The following PRKD1 variants were observed in gnomAD, a reference collection of about 807,000 sequenced individuals.
The protein encoded by PRKD1 is serine/threonine-protein kinase D1.
In PRKD1, 63 loss-of-function variants were observed where a neutral mutation model predicts 95.9. The observed-to-expected ratio is 0.66, with a 90% CI of 0.54 to 0.81. The LOEUF (loss-of-function observed/expected upper bound fraction) is 0.81, where lower values mean the gene tolerates loss of function less well. Among genes scored for constraint, PRKD1 ranks in the 30% least tolerant of loss-of-function variants. The pLI, the probability that PRKD1 is intolerant of heterozygous loss-of-function variation, is 0.00. For synonymous variants in PRKD1, 425 were observed against 423.1 expected, an observed-to-expected ratio of 1.00 and a Z score of -0.05; for missense variants, 1,048 against 1,165.3, an observed-to-expected ratio of 0.90 and a Z score of 1.47.
At chr14:29,684,410 C>T (rs1310703192) in intron 2 of PRKD1, among the ~76,000 whole-genome samples, 1 of 152,120 alleles carries the variant, frequency 6.6e-6, no homozygotes, top group African/African-American at 2.4e-5. Context: ...ATGTCATGTC[C>T]TATATTTTGT....
intron 4 of PRKD1, among the ~76,000 whole-genome samples, chr14:29,662,563 C>T (rs1483278043): frequency 6.6e-6 from 1 of 152,012 alleles, no homozygotes; most frequent in Non-Finnish European, 1.5e-5. Flanking sequence ...CAAGAAACCC[C>T]TAAAAGAGAG....
intron 2 of PRKD1, among the ~76,000 whole-genome samples, chr14:29,697,335 C>T (rs1884581005): frequency 6.6e-6 from 1 of 152,128 alleles, no homozygotes; most frequent in Admixed American, 6.6e-5. Context: ...AGGCAGATGA[C>T]CTCTTATACT....
intron 1 of PRKD1, among the ~76,000 whole-genome samples, chr14:29,859,833 A>T (rs1476468751): frequency 6.6e-6 from 1 of 152,152 alleles, no homozygotes; most frequent in African/African-American, 2.4e-5. Flanking sequence ...CTTCAGTTGG[A>T]GACAATACTC....
intron 1 of PRKD1, among the ~76,000 whole-genome samples, chr14:29,792,731 A>G (rs1017159560): frequency 6.6e-6 from 1 of 152,136 alleles, no homozygotes; most frequent in Non-Finnish European, 1.5e-5. Flanking sequence ...TTCATTGTCT[A>G]TATGGAAACT....
At chr14:29,615,515 T>G (rs1878793549) in intron 13 of PRKD1, among the ~76,000 whole-genome samples, 1 of 152,226 alleles carries the variant, frequency 6.6e-6, no homozygotes, top group South Asian at 2.1e-4. Context: ...TTCCACTGTT[T>G]CTCTGGCTAT....
chr14:29,653,327 G>A (rs1303994706), intron 4 of PRKD1, among the ~76,000 whole-genome samples: 1 of 152,040 alleles, frequency 6.6e-6, no homozygotes, highest in Non-Finnish European at 1.5e-5. Flanking sequence ...AAAAAGATTA[G>A]GCTAGAAGCA....
intron 4 of PRKD1, among the ~76,000 whole-genome samples, chr14:29,654,181 T>C (rs1373832150): frequency 4.6e-5 from 7 of 152,158 alleles, no homozygotes; most frequent in Non-Finnish European, 8.8e-5. Context: ...TTATTTATTA[T>C]TATTTTTTGA....
At chr14:29,637,178 T>C (rs1042955963) in intron 6 of PRKD1, among the ~76,000 whole-genome samples, 2 of 152,112 alleles carry the variant, frequency 1.3e-5, no homozygotes, top group African/African-American at 4.8e-5. Context: ...GAAAAAAAAG[T>C]ATGTAAGAGG....
rs190245834 is a variant in PRKD1, at chr14:29,884,747, C to T, written c.264+42502G>A. Reference sequence around the variant, plus strand: ...AGTTCACTGAGCGTGGAGAAGGAGGCTGAGGATGCAGAGTGGAGCAAGCAG... The same window carrying T: ...AGTTCACTGAGCGTGGAGAAGGAGGTTGAGGATGCAGAGTGGAGCAAGCAG... On this transcript the variant is annotated intron_variant, in intron 1 of 17. Coordinates refer to ENST00000331968, the MANE Select transcript of PRKD1 (RefSeq NM_002742.3). 3.3e-5 allele frequency among the ~76,000 whole-genome samples: 5 copies of T among 152,274 alleles called. No homozygotes were observed. In the East Asian group the frequency reaches 9.6e-4, roughly 29 times the overall value.
At chr14:29,768,977 T>G (rs1337527141) in intron 1 of PRKD1, among the ~76,000 whole-genome samples, 1 of 152,168 alleles carries the variant, frequency 6.6e-6, no homozygotes, top group Non-Finnish European at 1.5e-5. Flanking sequence ...ACTTTACATT[T>G]CCTTCTGCCC....
chr14:29,848,451 C>T (rs1892170413), intron 1 of PRKD1, among the ~76,000 whole-genome samples: 1 of 151,852 alleles, frequency 6.6e-6, no homozygotes, highest in African/African-American at 2.4e-5. Flanking sequence ...AAAGCAACTG[C>T]ATATATGGGG....
At chr14:29,844,071 G>T (rs780725884) in intron 1 of PRKD1, among the ~76,000 whole-genome samples, 5 of 152,196 alleles carry the variant, frequency 3.3e-5, no homozygotes, top group Non-Finnish European at 4.4e-5. Context: ...CTATTGTGTG[G>T]AGGGCCTGGG....
intron 13 of PRKD1, among the ~76,000 whole-genome samples, chr14:29,620,826 G>A (rs1013838611): frequency 6.6e-6 from 1 of 151,926 alleles, no homozygotes; most frequent in Non-Finnish European, 1.5e-5. Flanking sequence ...CCATTACTGG[G>A]TGTATAACCA....
chr14:29,814,749 A>T (rs543113669), intron 1 of PRKD1, among the ~76,000 whole-genome samples: 114 of 152,236 alleles, frequency 7.5e-4, no homozygotes, highest in Non-Finnish European at 1.5e-3. Flanking sequence ...GTATCTACTC[A>T]CTACAAAAAC....
chr14:29,680,585 A>G (rs1237385440), intron 2 of PRKD1, among the ~76,000 whole-genome samples: 1 of 152,172 alleles, frequency 6.6e-6, no homozygotes, highest in Non-Finnish European at 1.5e-5. Flanking sequence ...TTTTTGCATG[A>G]AAGAAACAAA....
intron 13 of PRKD1, among the ~76,000 whole-genome samples, chr14:29,604,836 T>A (rs1893647388): frequency 1.3e-5 from 2 of 152,242 alleles, no homozygotes; most frequent in South Asian, 4.1e-4. Flanking sequence ...TAAGATCTCC[T>A]AAATTCCACA....
chr14:29,722,182 A>G (rs1885932169), intron 2 of PRKD1, among the ~76,000 whole-genome samples: 1 of 152,162 alleles, frequency 6.6e-6, no homozygotes, highest in African/African-American at 2.4e-5. Flanking sequence ...TGTTTACATC[A>G]AACTACAGAG....
intron 4 of PRKD1, chr14:29,656,568 A>T: frequency 6.8e-7 from 1 of 1,470,230 alleles, no homozygotes; most frequent in Non-Finnish European, 9.2e-7. Context: ...AAGACAGGAA[A>T]ACAACGTTAT....
At chr14:29,598,741 G>T (rs1893404828) in intron 15 of PRKD1, among the ~76,000 whole-genome samples, 1 of 152,280 alleles carries the variant, frequency 6.6e-6, no homozygotes, top group East Asian at 1.9e-4. Context: ...GCCCATTAAT[G>T]AGCAGGTAAC....
Sources: gnomAD v4.1 joint callset for allele counts (sites outside exome capture counted in the v4.1 genomes callset) on GRCh38, gnomAD v4.1.1 for gene constraint, MANE v1.5 for transcripts, NCBI Gene and HGNC (gene_info 2026-07-23, HGNC 2026-07-21) for gene names.